The following TP53BP2 variants were observed in gnomAD, a reference collection of about 807,000 sequenced individuals.
TP53BP2 encodes the protein tumor protein p53 binding protein 2, also known as apoptosis-stimulating of p53 protein 2.
TP53BP2 carries 62 observed loss-of-function variants against 126.2 expected under a neutral mutation model. That is an observed-to-expected ratio of 0.49 (90% CI 0.40 to 0.61). The LOEUF (loss-of-function observed/expected upper bound fraction) is 0.61. Ranked by LOEUF, TP53BP2 falls within the 20% of genes least tolerant of loss-of-function variation. The probability of loss-of-function intolerance (pLI) is 0.00; values close to 1 mark genes in which losing one functional copy is unlikely to be tolerated. For missense variants in TP53BP2, 1,215 were observed against 1,402.8 expected (o/e 0.87, Z 2.14); for synonymous variants, 485 against 502.9 (o/e 0.96, Z 0.48).
chr1:223,811,451 T>G (rs1455018950), intron 3 of TP53BP2, among the ~76,000 whole-genome samples: 1 of 152,186 alleles, frequency 6.6e-6, no homozygotes, highest in Non-Finnish European at 1.5e-5. Context: ...CTAATTCTAA[T>G]ATGATCAGCT....
chr1:223,821,497 C>G (rs771983311), intron 1 of TP53BP2, 130 bp from the exon 2 acceptor site: 18 of 1,292,324 alleles, frequency 1.4e-5, no homozygotes, highest in African/African-American at 1.5e-5. Context: ...CTGGCTGTCA[C>G]CCGGCCAAAG....
At chr1:223,843,564 G>A (rs562673365) in intron 1 of TP53BP2, among the ~76,000 whole-genome samples, 1 of 152,240 alleles carries the variant, frequency 6.6e-6, no homozygotes, top group South Asian at 2.1e-4. Context: ...TAATGCCACA[G>A]AACTGTACAC....
chr1:223,844,344 A>G (rs1664202790), intron 1 of TP53BP2, among the ~76,000 whole-genome samples: 1 of 152,246 alleles, frequency 6.6e-6, no homozygotes, highest in African/African-American at 2.4e-5. Flanking sequence ...GGAAGAAACC[A>G]TATAGCAACA....
chr1:223,808,206 C>T (rs115973510), intron 4 of TP53BP2, among the ~76,000 whole-genome samples: 3 of 152,134 alleles, frequency 2.0e-5, no homozygotes, highest in Admixed American at 6.5e-5. Context: ...ACTGCTTATA[C>T]AATTAGATAT....
rs906268241 is a variant in TP53BP2 at position 223,845,833 on chromosome 1, C to G, written c.-153G>C. The G allele has an allele frequency of 8.4e-6, 5 of 597,006 alleles. No individual in the cohort carries two copies. The highest frequency in any genetic ancestry group is 7.9e-5 in the African/African-American group (4 of 50,792). The allele number at this position is 597,006 out of a possible 1,614,324, so 37.0% of individuals were successfully genotyped here. A position where few individuals can be genotyped will look rare whatever the true frequency, so the allele number is the denominator to read the frequency against. The stretch of plus-strand genomic sequence containing the variant: ...GCGCGCGGGTCCGAAGGGCCCTCCG[C>G]GCGGGCTGGGGCACCAACAAGCCCC... On this transcript the variant is annotated 5_prime_UTR_variant, in exon 1 of 18. Transcript: ENST00000343537.
chr1:223,840,344 C>T (rs1018690471), intron 1 of TP53BP2, among the ~76,000 whole-genome samples: 2 of 152,192 alleles, frequency 1.3e-5, no homozygotes, highest in African/African-American at 4.8e-5. Flanking sequence ...TTTTCAATTA[C>T]ATCTGATTAA....
chr1:223,818,824 C>G (rs560865180), intron 2 of TP53BP2, among the ~76,000 whole-genome samples: 17 of 151,596 alleles, frequency 1.1e-4, no homozygotes, highest in South Asian at 1.0e-3. Context: ...GGTGATCAAC[C>G]CTCCTTGGCC....
intron 2 of TP53BP2, among the ~76,000 whole-genome samples, chr1:223,817,652 G>A (rs939339940): frequency 1.3e-5 from 2 of 152,090 alleles, no homozygotes; most frequent in Admixed American, 6.6e-5. Flanking sequence ...TAAAAATAAT[G>A]TGGTGGCTCA....
chr1:223,800,482 G>A (rs549011302), intron 10 of TP53BP2, among the ~76,000 whole-genome samples: 1 of 152,260 alleles, frequency 6.6e-6, no homozygotes, highest in East Asian at 1.9e-4. Flanking sequence ...TAGGGAGGCT[G>A]AGGTAGGAGA....
At chr1:223,831,474 AAAAAAAATAT>A (rs528174070) in intron 1 of TP53BP2, among the ~76,000 whole-genome samples, 11,680 of 72,082 alleles carry the variant, frequency 0.16, 958 homozygotes, top group Admixed American at 0.21. Context: ...TCTAAAAAAA[AAAAAAAATAT>A]ATATATATAT....
chr1:223,794,746 GTTGT>G (rs1662260946), intron 13 of TP53BP2, among the ~76,000 whole-genome samples: 1 of 152,110 alleles, frequency 6.6e-6, no homozygotes, highest in African/African-American at 2.4e-5. Context: ...GAGGCACAGG[GTTGT>G]TTAAAAACTG....
rs1571850908 is a variant in TP53BP2, at chr1:223,802,317, G to T, written c.1024C>A (p.Gln342Lys). Reference sequence around the variant, plus strand: ...ACACGGCTTGGGGCTGACGCGGCTTGCTGGGGAAGATTTCCATCAGATGAA... The same window carrying T: ...ACACGGCTTGGGGCTGACGCGGCTTTCTGGGGAAGATTTCCATCAGATGAA... ...PVSSDGNLPQ[Q>K]AASAPSRVAA... Residue 342 changes from glutamine to lysine, a missense_variant, in exon 9 of 18, where the codon CAA becomes AAA. Transcript: ENST00000343537. 1 of 1,614,158 alleles carries T rather than the reference G, an allele frequency of 6.2e-7. No homozygotes were observed. The highest frequency in any genetic ancestry group is 8.5e-7 in the Non-Finnish European group (1 of 1,180,022).
At chr1:223,839,821 A>G (rs1294144614) in intron 1 of TP53BP2, among the ~76,000 whole-genome samples, 5 of 152,078 alleles carry the variant, frequency 3.3e-5, no homozygotes, top group Non-Finnish European at 5.9e-5. Context: ...TGTAATCCCA[A>G]CTACTCGGGA....
rs773104522 is a variant in TP53BP2 at position 223,793,326 on chromosome 1, G to A, written c.2839C>T (p.Leu947Phe). The change falls in exon 14 of 18, where the codon CTT (leucine) becomes TTT (phenylalanine). Residue 947 changes from leucine (L) to phenylalanine (F), a missense_variant. Physicochemically the swap from Leu to Phe is conservative, Grantham distance 22. Coordinates refer to ENST00000343537, the MANE Select transcript of TP53BP2 (RefSeq NM_001031685.3). ...LDSSLEGEFD[L>F]VQRIIYEVDD... The stretch of plus-strand genomic sequence containing the variant: ...ACCTCATAAATAATTCTCTGTACAA[G>A]GTCAAATTCTCCCTCCAAAGACGAA... The A allele has an allele frequency of 1.9e-6, 3 of 1,606,870 alleles. No individual in the cohort carries two copies. The highest frequency in any genetic ancestry group is 1.7e-6 in the Non-Finnish European group (2 of 1,177,418).
intron 1 of TP53BP2, among the ~76,000 whole-genome samples, chr1:223,842,256 A>G (rs929259943): frequency 6.6e-6 from 1 of 152,110 alleles, no homozygotes; most frequent in Non-Finnish European, 1.5e-5. Flanking sequence ...TTTTCTTAAA[A>G]CCATCTATAT....
intron 9 of TP53BP2, among the ~76,000 whole-genome samples, chr1:223,801,681 T>G (rs1483184225): frequency 7.9e-5 from 12 of 152,190 alleles, no homozygotes; most frequent in African/African-American, 2.9e-4. Context: ...ATCAGCAAAT[T>G]CTCACATGTA....
chr1:223,803,057 A>G, intron 7 of TP53BP2, 162 bp from the exon 8 acceptor site: 1 of 891,502 alleles, frequency 1.1e-6, no homozygotes, highest in Non-Finnish European at 1.7e-6. Flanking sequence ...ACACCTGTGC[A>G]AGACCACCAG....
At chr1:223,802,076 A>G in intron 9 of TP53BP2, 40 bp downstream of exon 9, 1 of 1,567,726 alleles carries the variant, frequency 6.4e-7, no homozygotes, top group Middle Eastern at 1.7e-4. Context: ...GAGAAAGAAT[A>G]GTGGGGACAG....
At chr1:223,808,936 A>C (rs1308159077) in intron 4 of TP53BP2, among the ~76,000 whole-genome samples, 1 of 152,208 alleles carries the variant, frequency 6.6e-6, no homozygotes, top group Non-Finnish European at 1.5e-5. Context: ...CATATATTTT[A>C]ATGGCTAAAA....
Sources: gnomAD v4.1 joint callset for allele counts (sites outside exome capture counted in the v4.1 genomes callset) on GRCh38, gnomAD v4.1.1 for gene constraint, MANE v1.5 for transcripts, NCBI Gene and HGNC (gene_info 2026-07-23, HGNC 2026-07-21) for gene names.